SEMA4B: variants seen among roughly 807,000 people sequenced by gnomAD.
SEMA4B encodes semaphorin 4B, also known as semaphorin-4B.
Under a neutral mutation model 88.1 loss-of-function variants are expected in SEMA4B, and 55 were observed. The observed-to-expected ratio is 0.62, with a 90% confidence interval of 0.50 to 0.78. The LOEUF (loss-of-function observed/expected upper bound fraction) is 0.78. Ranked by LOEUF, SEMA4B falls within the 30% of genes least tolerant of loss-of-function variation. The probability of loss-of-function intolerance (pLI) is 0.00; values close to 1 mark genes in which losing one functional copy is unlikely to be tolerated. For missense variants in SEMA4B, 1,062 were observed against 1,111.9 expected, an observed-to-expected ratio of 0.96 and a Z score of 0.64; for synonymous variants, 525 against 473.6, an observed-to-expected ratio of 1.11 and a Z score of -1.41.
intron 1 of SEMA4B, among the ~76,000 whole-genome samples, chr15:90,188,781 C>G (rs898108359): frequency 1.8e-4 from 28 of 152,022 alleles, no homozygotes; most frequent in Admixed American, 1.6e-3. Flanking sequence ...CATTCTTCTG[C>G]CTCAGCCTCC....
Position 90,228,472 on chromosome 15 carries a change from G to A in SEMA4B, c.2343G>A (p.Pro781=), listed in dbSNP as rs3751656. The A allele has an allele frequency of 0.23, 366,522 of 1,608,136 alleles. 43,197 individuals are homozygous for A. The highest frequency in any genetic ancestry group is 0.36 in the African/African-American group (26,602 of 74,822). Residue 781 remains proline, a synonymous_variant, in exon 14 of 14, where the codon CCG becomes CCA. Transcript: ENST00000411539. The part of the protein sequence containing the change: ...PLNGLGPPST[P]LDHRGYQSLS... Reference sequence around the variant, plus strand: ...ACGGCCTAGGGCCCCCTAGCACCCCGCTCGATCACCGAGGGTACCAGTCCC... The same window carrying A: ...ACGGCCTAGGGCCCCCTAGCACCCCACTCGATCACCGAGGGTACCAGTCCC...
chr15:90,228,663 G>A lies in SEMA4B; in HGVS notation c.*20G>A, dbSNP rs756666827. 2.0e-5 allele frequency: 32 copies of A among 1,612,312 alleles called. No homozygotes were observed. The highest frequency in any genetic ancestry group is 2.5e-5 in the Non-Finnish European group (29 of 1,179,718). Reference sequence around the variant, plus strand: ...GTGTGAGAGCTGACTTCCAGAGGACGCTGCCCTGGCTTCAGGGGCTGTGAA... The same window carrying A: ...GTGTGAGAGCTGACTTCCAGAGGACACTGCCCTGGCTTCAGGGGCTGTGAA... On this transcript the variant is annotated 3_prime_UTR_variant, in exon 14 of 14. Coordinates refer to ENST00000411539, the MANE Select transcript of SEMA4B (RefSeq NM_198925.4).
At chr15:90,185,013 C>T in exon 1 of SEMA4B, 3 of 985,732 alleles carry the variant, frequency 3.0e-6, no homozygotes, top group Non-Finnish European at 3.6e-6. Flanking sequence ...GGGGACGAGT[C>T]AGTGGACACT....
intron 2 of SEMA4B, 56 bp from the exon 3 acceptor site, chr15:90,217,711 G>C (rs1961604190): frequency 6.2e-7 from 1 of 1,603,992 alleles, no homozygotes; most frequent in Admixed American, 1.7e-5. Context: ...GGGAGAGGAG[G>C]GAGGCTCAGC....
At chr15:90,216,369 C>A (rs981858503) in intron 1 of SEMA4B, among the ~76,000 whole-genome samples, 1 of 152,178 alleles carries the variant, frequency 6.6e-6, no homozygotes, top group Non-Finnish European at 1.5e-5. Flanking sequence ...ATTCCTCCCC[C>A]CAACATATTC....
intron 4 of SEMA4B, among the ~76,000 whole-genome samples, chr15:90,220,736 G>T (rs890822772): frequency 4.6e-5 from 7 of 152,132 alleles, no homozygotes; most frequent in Non-Finnish European, 7.4e-5. Context: ...CCCGCGTCGG[G>T]TCACTGTGAG....
upstream of SEMA4B, chr15:90,201,329 C>G (rs1384155713): frequency 8.4e-7 from 1 of 1,195,454 alleles, no homozygotes; most frequent in Non-Finnish European, 1.0e-6. Flanking sequence ...CGCCCTCCGC[C>G]GCTTGCGGGT....
At chr15:90,201,243 C>T (rs996737774), upstream of SEMA4B, 1 of 967,894 alleles carries the variant, frequency 1.0e-6, no homozygotes, top group Non-Finnish European at 1.2e-6. Context: ...GCCCCTCGCG[C>T]TGCCAGCGCC....
Position 90,223,584 on chromosome 15 carries a change from TACAGCAGCGCTGG to T in SEMA4B, c.890_902del (p.Gln297ProfsTer28). ...GGCGATGAGGGTGGAGAGCGGGTGC[TACAGCAGCGCTGG>T]ACCTCCTTCCTCAAGGCCCAGCTGC... On this transcript the variant is annotated frameshift_variant, in exon 8 of 14. Transcript: ENST00000411539. LOFTEE classifies it high-confidence loss of function. The T allele has an allele frequency of 6.2e-7, 1 of 1,606,622 alleles. No individual in the cohort carries two copies. The highest frequency in any genetic ancestry group is 8.5e-7 in the Non-Finnish European group (1 of 1,175,760).
chr15:90,194,532 C>CA (rs201783297), intron 1 of SEMA4B, among the ~76,000 whole-genome samples: 4,234 of 144,930 alleles, frequency 0.029, 129 homozygotes, highest in African/African-American at 0.081. Flanking sequence ...AACACCATCT[C>CA]AAAAAAAAAA....
intron 1 of SEMA4B, chr15:90,214,835 G>T: frequency 2.8e-6 from 1 of 361,220 alleles, no homozygotes; most frequent in South Asian, 2.3e-5. Context: ...CTTGCTGATG[G>T]AGATGTTTTT....
chr15:90,221,528 A>G (rs2151620397), intron 6 of SEMA4B, 48 bp downstream of exon 6: 4 of 1,604,632 alleles, frequency 2.5e-6, no homozygotes, highest in Non-Finnish European at 3.4e-6. Context: ...CTGTTCACCC[A>G]GCCCTAGAAG....
chr15:90,188,583 G>A lies in SEMA4B; in HGVS notation c.-122+3502G>A, dbSNP rs561927039. Among the ~76,000 whole-genome samples the A allele has an allele frequency of 3.9e-4, 59 of 151,874 alleles. 1 individual carries two copies. Among genetic ancestry groups the A allele is most frequent in the East Asian group, 1.4e-3 (7 of 5,092 alleles). ...GCGGAGGCTGCAGTGAGCCGAGATCGCACCACTGCACTCCAGCCTGGACGA... is the reference window on the plus strand; with the variant it reads ...GCGGAGGCTGCAGTGAGCCGAGATCACACCACTGCACTCCAGCCTGGACGA... On this transcript the variant is annotated intron_variant, in intron 1 of 14. Coordinates refer to the SEMA4B transcript ENST00000332496.
intron 3 of SEMA4B, 53 bp from the exon 4 acceptor site, chr15:90,219,740 C>A: frequency 6.8e-7 from 1 of 1,461,834 alleles, no homozygotes; most frequent in Non-Finnish European, 9.5e-7. Context: ...GGCGGTGCCC[C>A]CTGGTGGCAT....
rs1960817827 is a variant in SEMA4B at position 90,202,991 on chromosome 15, ATG to A, written c.157+1259_157+1260del. 2.6e-5 allele frequency among the ~76,000 whole-genome samples: 4 copies of A among 152,212 alleles called. 1 individual carries two copies. The highest frequency in any genetic ancestry group is 2.6e-4 in the Admixed American group (4 of 15,284). On this transcript the variant is annotated intron_variant, in intron 1 of 13. Transcript: ENST00000411539. ...ATGCTACCTCAGCCACTTAGTAACC[ATG>A]TGACCTTGAGCAGGCTACTTAAAGT...
exon 1 of SEMA4B, chr15:90,184,998 G>A (rs2074690414): frequency 1.0e-6 from 1 of 985,814 alleles, no homozygotes; most frequent in African/African-American, 1.7e-5. Flanking sequence ...GGCCGGCCTG[G>A]CAAGGGGGAC....
chr15:90,202,725 C>T (rs945985884), intron 1 of SEMA4B, among the ~76,000 whole-genome samples: 9 of 152,328 alleles, frequency 5.9e-5, no homozygotes, highest in African/African-American at 2.2e-4. Context: ...GATGTATCCG[C>T]AAGCCCTTTA....
At chr15:90,226,973 A>G (rs1962204365) in intron 12 of SEMA4B, among the ~76,000 whole-genome samples, 2 of 152,194 alleles carry the variant, frequency 1.3e-5, no homozygotes, top group South Asian at 2.1e-4. Context: ...TAATTAAAAA[A>G]AAGAAAAAGA....
chr15:90,211,110 G>A (rs1371998190), intron 1 of SEMA4B, among the ~76,000 whole-genome samples: 2 of 152,194 alleles, frequency 1.3e-5, no homozygotes, highest in Non-Finnish European at 2.9e-5. Context: ...CAGGGCAGAG[G>A]CCCTAGAAGC....
Sources: allele counts gnomAD v4.1 joint callset (sites outside exome capture counted in the v4.1 genomes callset), GRCh38; gene constraint gnomAD v4.1.1; transcripts MANE v1.5; gene names NCBI Gene and HGNC (gene_info 2026-07-23, HGNC 2026-07-21).